Variants in ALCAM observed in about 807,000 individuals in gnomAD.
The protein encoded by ALCAM is activated leukocyte cell adhesion molecule.
Under a neutral mutation model 70.9 loss-of-function variants are expected in ALCAM, and 30 were observed. The ratio of observed to expected loss-of-function variants is 0.42; its 90% confidence interval spans 0.32 to 0.57. The LOEUF (loss-of-function observed/expected upper bound fraction) is 0.57. ALCAM is among the 20% of genes least tolerant of loss of function. The pLI is 0.11. For missense variants in ALCAM, 591 were observed against 695.1 expected (o/e 0.85, Z 1.68); for synonymous variants, 249 against 242.5 (o/e 1.03, Z -0.25).
chr3:105,376,290 A>G (rs1208102573), intron 1 of ALCAM, among the ~76,000 whole-genome samples: 1 of 152,228 alleles, frequency 6.6e-6, no homozygotes, highest in Non-Finnish European at 1.5e-5. Context: ...CAGGTTTAAG[A>G]GATTACCTAA....
intron 1 of ALCAM, among the ~76,000 whole-genome samples, chr3:105,432,815 A>G (rs896152442): frequency 6.6e-6 from 1 of 152,210 alleles, no homozygotes; most frequent in Admixed American, 6.5e-5. Context: ...ATTGTCCTGC[A>G]GAGTTTCAGC....
chr3:105,494,181 G>T (rs1018244611), intron 1 of ALCAM, among the ~76,000 whole-genome samples: 2 of 152,034 alleles, frequency 1.3e-5, no homozygotes, highest in Admixed American at 6.6e-5. Context: ...GGGCCCAATG[G>T]GGGGGAAAAA....
chr3:105,463,252 A>C, intron 1 of ALCAM, among the ~76,000 whole-genome samples: 1 of 151,456 alleles, frequency 6.6e-6, no homozygotes. Flanking sequence ...TTTCTACTGC[A>C]TCAGCACAAC....
chr3:105,537,961 TTTATGTAGC>T (rs1435813275), intron 6 of ALCAM, among the ~76,000 whole-genome samples: 1 of 151,852 alleles, frequency 6.6e-6, no homozygotes, highest in Non-Finnish European at 1.5e-5. Context: ...TTTGTAGGGG[TTTATGTAGC>T]AGAGTAAGAG....
intron 3 of ALCAM, chr3:105,531,515 G>A (rs978386089): frequency 4.2e-5 from 2 of 47,546 alleles, no homozygotes; most frequent in African/African-American, 1.3e-4. Context: ...AAAATGTAGA[G>A]TTATGGGATT....
intron 5 of ALCAM, among the ~76,000 whole-genome samples, chr3:105,534,028 C>T (rs1012384340): frequency 2.6e-5 from 4 of 152,124 alleles, no homozygotes; most frequent in Non-Finnish European, 5.9e-5. Context: ...AGTGACAGAT[C>T]ATCAGGCATC....
Position 105,549,092 on chromosome 3 carries a change from G to A in ALCAM, c.1375-1035G>A, listed in dbSNP as rs943600614. ...AAAGTCAGATGAAAAATCCTAGTAC[G>A]AAGTGAAAAAATAGCAGGTAAATTT... is the stretch of plus-strand genomic sequence containing the variant. On this transcript the variant is annotated intron_variant, in intron 11 of 15. Coordinates refer to ENST00000306107, the MANE Select transcript of ALCAM (RefSeq NM_001627.4). Among the ~76,000 whole-genome samples the A allele has an allele frequency of 2.6e-5, 4 of 151,384 alleles. No individual in the cohort carries two copies. The East Asian group carries it at 5.8e-4, about 22-fold the overall frequency.
At chr3:105,570,048 A>C (rs1940829331) in intron 14 of ALCAM, among the ~76,000 whole-genome samples, 1 of 152,198 alleles carries the variant, frequency 6.6e-6, no homozygotes, top group Admixed American at 6.5e-5. Context: ...GGGGAGCCAT[A>C]GCTGATAGAA....
chr3:105,367,949 G>A (rs1229279755), intron 1 of ALCAM, among the ~76,000 whole-genome samples: 2 of 152,164 alleles, frequency 1.3e-5, no homozygotes, highest in Middle Eastern at 3.4e-3. Context: ...AGCCGAGGAA[G>A]GGATGGGAGG....
chr3:105,422,066 C>T (rs111498561), intron 1 of ALCAM, among the ~76,000 whole-genome samples: 5 of 151,374 alleles, frequency 3.3e-5, no homozygotes, highest in African/African-American at 1.2e-4. Context: ...AGCTTAGCTC[C>T]CACTTATAAG....
chr3:105,448,385 T>C (rs971468651), intron 1 of ALCAM, among the ~76,000 whole-genome samples: 2 of 140,494 alleles, frequency 1.4e-5, no homozygotes, highest in African/African-American at 5.3e-5. Flanking sequence ...AGAATGTCCT[T>C]GCATTTTGTA....
chr3:105,530,401 C>T (rs1190356620), intron 3 of ALCAM, among the ~76,000 whole-genome samples: 3 of 151,946 alleles, frequency 2.0e-5, no homozygotes, highest in African/African-American at 7.2e-5. Flanking sequence ...AATATGTTTC[C>T]CAGAAACTGG....
intron 1 of ALCAM, among the ~76,000 whole-genome samples, chr3:105,425,180 A>G (rs1936759859): frequency 6.6e-6 from 1 of 151,816 alleles, no homozygotes; most frequent in African/African-American, 2.4e-5. Context: ...GTACTTCATT[A>G]TTATTGAATT....
intron 1 of ALCAM, among the ~76,000 whole-genome samples, chr3:105,402,426 G>A (rs1351595485): frequency 1.3e-5 from 2 of 152,172 alleles, no homozygotes; most frequent in Non-Finnish European, 2.9e-5. Context: ...CAGGCTCCAT[G>A]AGATGCTGAA....
At chr3:105,537,160 A>T (rs1316676199) in intron 6 of ALCAM, among the ~76,000 whole-genome samples, 1 of 151,912 alleles carries the variant, frequency 6.6e-6, no homozygotes, top group African/African-American at 2.4e-5. Flanking sequence ...TTCTTACCCT[A>T]TTCAATCAGT....
At chr3:105,507,667 G>A (rs901280) in intron 1 of ALCAM, among the ~76,000 whole-genome samples, 123,980 of 152,032 alleles carry the variant, frequency 0.82, 50,711 homozygotes, top group East Asian at 0.96. Flanking sequence ...TCATTCATCT[G>A]TTGAAGGACA....
intron 1 of ALCAM, among the ~76,000 whole-genome samples, chr3:105,456,517 A>T (rs1937537336): frequency 6.6e-6 from 1 of 152,168 alleles, no homozygotes; most frequent in African/African-American, 2.4e-5. Flanking sequence ...AGTTTGTGTG[A>T]TAATTCTTTA....
At chr3:105,449,389 A>T (rs991687212) in intron 1 of ALCAM, among the ~76,000 whole-genome samples, 3 of 152,240 alleles carry the variant, frequency 2.0e-5, no homozygotes, top group Admixed American at 6.5e-5. Context: ...ATTTTTAGAA[A>T]GAAGAGAAAG....
chr3:105,533,934 C>T (rs1489102293), intron 5 of ALCAM, among the ~76,000 whole-genome samples: 1 of 152,010 alleles, frequency 6.6e-6, no homozygotes, highest in East Asian at 1.9e-4. Context: ...AATAATTATG[C>T]AACTCACCAT....
Sources: gnomAD v4.1 joint callset for allele counts (sites outside exome capture counted in the v4.1 genomes callset) on GRCh38, gnomAD v4.1.1 for gene constraint, MANE v1.5 for transcripts, NCBI Gene and HGNC (gene_info 2026-07-23, HGNC 2026-07-21) for gene names.